TIMM10: variants seen among roughly 807,000 people sequenced by gnomAD.
TIMM10 encodes translocase of inner mitochondrial membrane 10.
In TIMM10, 13 loss-of-function variants were observed where a neutral mutation model predicts 9.1. The ratio of observed to expected loss-of-function variants is 1.42; its 90% CI spans 0.93 to 2.26. The LOEUF (loss-of-function observed/expected upper bound fraction) is 2.26, where lower values mean the gene tolerates loss of function less well. Among genes scored for constraint, TIMM10 ranks in the 30% most tolerant of loss-of-function variants. TIMM10 has a pLI of 0.00. For synonymous variants in TIMM10, 40 were observed against 42.1 expected, an observed-to-expected ratio of 0.95 and a Z score of 0.20; for missense variants, 82 against 113.6, an observed-to-expected ratio of 0.72 and a Z score of 1.26.
At chr11:57,528,987 AG>A in intron 2 of TIMM10, 69 bp from the exon 3 acceptor site, 6 of 1,524,722 alleles carry the variant, frequency 3.9e-6, no homozygotes, top group Non-Finnish European at 5.4e-6. Context: ...TGACCATTCC[AG>A]CCCTGCTATA....
intron 2 of TIMM10, 121 bp downstream of exon 2, chr11:57,529,998 G>A: frequency 9.7e-7 from 1 of 1,026,514 alleles, no homozygotes; most frequent in African/African-American, 1.6e-5. Context: ...GGTGTGGGGA[G>A]GGTAAGCATG....
intron 1 of TIMM10, 36 bp from the exon 2 acceptor site, chr11:57,530,270 C>T: frequency 7.0e-7 from 1 of 1,436,026 alleles, no homozygotes; most frequent in Non-Finnish European, 9.8e-7. Context: ...CCCACCGCCG[C>T]CGTTCACTCT....
In TIMM10 at chr11:57,528,756, C is replaced by G; in HGVS notation, c.234G>C (p.Glu78Asp). ...AGCTCTGCTGCACCCTCTTCATCAG[C>G]TCTTCATCCTGCATAGACAACTCTG... ...KLTELSMQDE[E>D]LMKRVQQSSG... Residue 78 changes from glutamate (E) to aspartate (D), a missense_variant, in exon 3 of 3, where the codon GAG becomes GAC. Transcript: ENST00000257245. 6.2e-7 allele frequency: 1 copy of G among 1,614,072 alleles called. No homozygotes were observed. The highest frequency in any genetic ancestry group is 8.5e-7 in the Non-Finnish European group (1 of 1,180,030).
chr11:57,528,695 A>G lies in TIMM10; in HGVS notation c.*22T>C. The G allele has an allele frequency of 6.2e-7, 1 of 1,603,500 alleles. No homozygotes were observed. Among genetic ancestry groups the G allele is most frequent in the Non-Finnish European group, 8.5e-7 (1 of 1,171,282 alleles). On this transcript the variant is annotated 3_prime_UTR_variant, in exon 3 of 3. Transcript: ENST00000257245. ...AGTGGGAAGGGGTGGGGTACACCCC[A>G]GGGTGTATACTGACAGGGACCTCAT...
chr11:57,528,920 T>C lies in TIMM10; in HGVS notation c.72-2A>G, dbSNP rs1944774917. Reference sequence around the variant, plus strand: ...TTCCGGTGGCAGGCACTGGTCATTCTGGAGGGAGGGAGGGGCAAGGTCATG... The same window carrying C: ...TTCCGGTGGCAGGCACTGGTCATTCCGGAGGGAGGGAGGGGCAAGGTCATG... On this transcript the variant is annotated splice_acceptor_variant, in intron 2 of 2. Coordinates refer to ENST00000257245, the MANE Select transcript of TIMM10 (RefSeq NM_012456.3). LOFTEE classifies it high-confidence loss of function. The C allele has an allele frequency of 1.9e-6, 3 of 1,612,680 alleles. No homozygotes were observed. The highest frequency in any genetic ancestry group is 2.5e-6 in the Non-Finnish European group (3 of 1,179,994).
At chr11:57,528,971 G>A in intron 2 of TIMM10, 53 bp from the exon 3 acceptor site, 1 of 1,591,426 alleles carries the variant, frequency 6.3e-7, no homozygotes, top group Non-Finnish European at 8.6e-7. Context: ...GACATCCCAG[G>A]AACCTTGACC....
In TIMM10 at chr11:57,528,526, TAC is replaced by T. The variant is rs1300413627; in HGVS notation, c.*189_*190del. ...ATATATATATATATATACACATACA[TAC>T]ACACACAGTCACATTCCAGTGTGAC... On this transcript the variant is annotated 3_prime_UTR_variant, in exon 3 of 3. Transcript: ENST00000257245. 4 of 454,620 alleles carry T rather than the reference TAC, an allele frequency of 8.8e-6. No homozygotes were observed. The highest frequency in any genetic ancestry group is 6.2e-5 in the African/African-American group (3 of 48,378). 28.2% of individuals were successfully genotyped at this position (454,620 alleles called of 1,614,324 possible).
intron 1 of TIMM10, 75 bp downstream of exon 1, chr11:57,530,583 C>T (rs1944789756): frequency 9.5e-6 from 2 of 210,786 alleles, no homozygotes; most frequent in African/African-American, 4.5e-5. Flanking sequence ...CGGGACCCAG[C>T]CCAAAGGCTA....
intron 1 of TIMM10, 166 bp from the exon 2 acceptor site, chr11:57,530,400 G>A: frequency 3.7e-6 from 2 of 547,770 alleles, no homozygotes; most frequent in Non-Finnish European, 6.6e-6. Flanking sequence ...CCTAGCCCAA[G>A]GTCGCACAGG....
At chr11:57,530,089 C>T (rs376480486) in intron 2 of TIMM10, 30 bp downstream of exon 2, 2 of 1,612,068 alleles carry the variant, frequency 1.2e-6, no homozygotes, top group African/African-American at 1.3e-5. Flanking sequence ...ACTTATTTTC[C>T]AAGACAGGGT....
intron 2 of TIMM10, among the ~76,000 whole-genome samples, chr11:57,529,238 A>T (rs1051309436): frequency 6.6e-6 from 1 of 152,234 alleles, no homozygotes; most frequent in Non-Finnish European, 1.5e-5. Flanking sequence ...TGAGGAAATT[A>T]AGGCAAACAG....
rs774100984 is a variant in TIMM10, at chr11:57,528,852, G to A, written c.138C>T (p.Gly46=). 6.8e-6 allele frequency: 11 copies of A among 1,613,950 alleles called. No homozygotes were observed. Among genetic ancestry groups the A allele is most frequent in the Middle Eastern group, 1.7e-4 (1 of 5,924 alleles). ...PHYKEAELSK[G]ESVCLDRCVS... is the part of the protein sequence containing the mutation. ...CACATCGGTCCAGGCACACAGACTC[G>A]CCCTTGGAGAGCTCTGCTTCCTTGT... is the stretch of plus-strand genomic sequence containing the variant. Residue 46 remains glycine, a synonymous_variant, in exon 3 of 3, where the codon GGC becomes GGT. Transcript: ENST00000257245.
intron 2 of TIMM10, among the ~76,000 whole-genome samples, chr11:57,529,183 A>G (rs1398285017): frequency 6.6e-6 from 1 of 152,244 alleles, no homozygotes; most frequent in East Asian, 1.9e-4. Flanking sequence ...TCTGTTATGC[A>G]ATGCTTACAA....
At chr11:57,529,970 G>C in intron 2 of TIMM10, 149 bp downstream of exon 2, 1 of 759,646 alleles carries the variant, frequency 1.3e-6, no homozygotes, top group East Asian at 2.8e-5. Flanking sequence ...ATCTACATTA[G>C]GATCAACCTT....
intron 2 of TIMM10, 103 bp from the exon 3 acceptor site, chr11:57,529,021 A>C (rs1314867704): frequency 1.6e-6 from 2 of 1,248,496 alleles, no homozygotes; most frequent in Non-Finnish European, 2.3e-6. Flanking sequence ...CCCCCAAGAA[A>C]GCAGTGTAAA....
intron 2 of TIMM10, among the ~76,000 whole-genome samples, 162 bp from the exon 3 acceptor site, chr11:57,529,080 T>TTGTC (rs749473164): frequency 3.9e-5 from 6 of 152,216 alleles, no homozygotes; most frequent in Non-Finnish European, 5.9e-5. Flanking sequence ...AGTAGGAAAC[T>TTGTC]TGTCTAAGTC....
Position 57,528,683 on chromosome 11 carries a change from G to A in TIMM10, c.*34C>T. 1 of 1,594,846 alleles carries A rather than the reference G, an allele frequency of 6.3e-7. No homozygotes were observed. The highest frequency in any genetic ancestry group is 8.6e-7 in the Non-Finnish European group (1 of 1,163,826). On this transcript the variant is annotated 3_prime_UTR_variant, in exon 3 of 3. Coordinates refer to ENST00000257245, the MANE Select transcript of TIMM10 (RefSeq NM_012456.3). Reference sequence around the variant, plus strand: ...CACGTTTATTAAAGTGGGAAGGGGTGGGGTACACCCCAGGGTGTATACTGA... The same window carrying A: ...CACGTTTATTAAAGTGGGAAGGGGTAGGGTACACCCCAGGGTGTATACTGA...
At chr11:57,529,006 C>T (rs1025137670) in intron 2 of TIMM10, 88 bp from the exon 3 acceptor site, 6 of 1,363,074 alleles carry the variant, frequency 4.4e-6, no homozygotes, top group African/African-American at 2.9e-5. Flanking sequence ...ATATTGATTT[C>T]ACCTCCCCCA....
At chr11:57,530,327 C>T in intron 1 of TIMM10, 93 bp from the exon 2 acceptor site, 1 of 734,462 alleles carries the variant, frequency 1.4e-6, no homozygotes, top group Non-Finnish European at 2.3e-6. Flanking sequence ...GGGCGCCAGA[C>T]CACCACGGGC....
Sources: allele counts gnomAD v4.1 joint callset (sites outside exome capture counted in the v4.1 genomes callset), GRCh38; gene constraint gnomAD v4.1.1; transcripts MANE v1.5; gene names NCBI Gene and HGNC (gene_info 2026-07-23, HGNC 2026-07-21).